CSMD1: variants seen among roughly 807,000 people sequenced by gnomAD.
CSMD1 encodes CUB and sushi domain-containing protein 1.
In CSMD1, 213 loss-of-function variants were observed where a neutral mutation model predicts 417.5. The ratio of observed to expected loss-of-function variants is 0.51; its 90% CI spans 0.46 to 0.57. The LOEUF (loss-of-function observed/expected upper bound fraction) is 0.57, where lower values mean the gene tolerates loss of function less well. CSMD1 is among the 20% of genes least tolerant of loss of function. The pLI, the probability that CSMD1 is intolerant of heterozygous loss-of-function variation, is 0.00. For missense variants in CSMD1, 6,923 were observed against 4,529.7 expected (o/e 1.53, Z -15.17); for synonymous variants, 2,862 against 1,736.8 (o/e 1.65, Z -16.11).
At chr8:3,144,733 T>C (rs904952865) in intron 40 of CSMD1, among the ~76,000 whole-genome samples, 1 of 148,170 alleles carries the variant, frequency 6.7e-6, no homozygotes, top group African/African-American at 2.5e-5. Context: ...AATATTTTTG[T>C]TTAAAAGGAA....
chr8:3,932,015 CAA>C (rs202007814), intron 5 of CSMD1, among the ~76,000 whole-genome samples: 2,251 of 149,626 alleles, frequency 0.015, 167 homozygotes, highest in African/African-American at 0.052. Flanking sequence ...AAGGAGAAAA[CAA>C]TAATTTTGTG....
chr8:4,377,801 T>C (rs1273268549), intron 3 of CSMD1, among the ~76,000 whole-genome samples: 1 of 152,226 alleles, frequency 6.6e-6, no homozygotes, highest in Non-Finnish European at 1.5e-5. Context: ...CCAAGCGTTG[T>C]ACAATTGTTT....
intron 11 of CSMD1, among the ~76,000 whole-genome samples, chr8:3,491,575 G>A (rs1423774160): frequency 1.3e-5 from 2 of 152,166 alleles, no homozygotes; most frequent in South Asian, 2.1e-4. Flanking sequence ...AGAGGGAGGT[G>A]TTCTCTTGCA....
intron 3 of CSMD1, among the ~76,000 whole-genome samples, chr8:4,051,652 G>T (rs1186890147): frequency 6.6e-6 from 1 of 152,092 alleles, no homozygotes; most frequent in Non-Finnish European, 1.5e-5. Context: ...TGATAAAATG[G>T]TGAGCAGGAT....
chr8:4,077,415 T>C (rs1161085154), intron 3 of CSMD1, among the ~76,000 whole-genome samples: 1 of 151,478 alleles, frequency 6.6e-6, no homozygotes, highest in African/African-American at 2.4e-5. Context: ...CTCTTAATAA[T>C]TTTTATATGC....
At chr8:3,993,808 C>T (rs572499975) in intron 5 of CSMD1, among the ~76,000 whole-genome samples, 3 of 152,304 alleles carry the variant, frequency 2.0e-5, no homozygotes, top group African/African-American at 4.8e-5. Context: ...GTTTGTTTCA[C>T]TTGCATTATT....
At chr8:3,091,705 C>A in intron 47 of CSMD1, 43 bp from the exon 48 acceptor site, 2 of 1,573,932 alleles carry the variant, frequency 1.3e-6, no homozygotes, top group Non-Finnish European at 1.7e-6. Flanking sequence ...GATGAGTGAG[C>A]ACCTACCAAA....
At chr8:4,911,402 G>A (rs1805661182) in intron 1 of CSMD1, among the ~76,000 whole-genome samples, 1 of 152,186 alleles carries the variant, frequency 6.6e-6, no homozygotes, top group Non-Finnish European at 1.5e-5. Flanking sequence ...GATTTGTTAG[G>A]TAATTCCCTT....
intron 3 of CSMD1, among the ~76,000 whole-genome samples, chr8:4,396,954 A>C (rs1352212270): frequency 1.3e-5 from 2 of 152,090 alleles, no homozygotes; most frequent in Non-Finnish European, 2.9e-5. Context: ...TGATGAGTGC[A>C]CCAAAGTCTC....
chr8:4,294,380 A>T (rs770239691), intron 3 of CSMD1, among the ~76,000 whole-genome samples: 2 of 152,172 alleles, frequency 1.3e-5, no homozygotes, highest in Non-Finnish European at 2.9e-5. Flanking sequence ...AGAGTGCAAG[A>T]TGTCACCGTT....
chr8:3,133,991 A>T (rs1014997057), intron 41 of CSMD1, among the ~76,000 whole-genome samples: 3 of 152,108 alleles, frequency 2.0e-5, no homozygotes, highest in Admixed American at 2.0e-4. Flanking sequence ...CAGCCTGGCC[A>T]ATGTGGTGAA....
At chr8:4,910,622 C>G (rs1175771654) in intron 1 of CSMD1, among the ~76,000 whole-genome samples, 1 of 152,146 alleles carries the variant, frequency 6.6e-6, no homozygotes, top group Non-Finnish European at 1.5e-5. Context: ...TCTGCTCCTC[C>G]AAATATTACC....
chr8:4,889,596 GA>G (rs537904009), intron 1 of CSMD1, among the ~76,000 whole-genome samples: 147 of 151,648 alleles, frequency 9.7e-4, no homozygotes, highest in Middle Eastern at 6.8e-3. Context: ...CAAAAAAATA[GA>G]AAAAAAACCA....
At chr8:3,269,272 C>T (rs769191153) in intron 26 of CSMD1, among the ~76,000 whole-genome samples, 2 of 152,200 alleles carry the variant, frequency 1.3e-5, no homozygotes, top group Non-Finnish European at 2.9e-5. Flanking sequence ...TAAAAATGTG[C>T]GGCCAGTTCT....
chr8:4,591,927 C>T (rs145225169), intron 2 of CSMD1, among the ~76,000 whole-genome samples: 9 of 152,004 alleles, frequency 5.9e-5, no homozygotes, highest in Middle Eastern at 3.4e-3. Flanking sequence ...TTCAGGAGAT[C>T]GGAGGAAAGG....
chr8:4,160,798 G>T (rs1797113064), intron 3 of CSMD1, among the ~76,000 whole-genome samples: 2 of 152,288 alleles, frequency 1.3e-5, no homozygotes, highest in South Asian at 4.1e-4. Context: ...CCGTGAAGGT[G>T]GTGTACTGTA....
chr8:3,197,626 C>A (rs6558733), intron 33 of CSMD1, among the ~76,000 whole-genome samples: 153 of 151,262 alleles, frequency 1.0e-3, no homozygotes, highest in African/African-American at 3.5e-3. Context: ...CCACCACGCC[C>A]GGCTAATTTT....
chr8:4,196,412 G>C (rs1052000516), intron 3 of CSMD1, among the ~76,000 whole-genome samples: 6 of 152,062 alleles, frequency 3.9e-5, no homozygotes, highest in African/African-American at 9.7e-5. Context: ...CAAAAATCAA[G>C]GCGTTTTCAG....
At chr8:4,729,152 G>C (rs951903139) in intron 1 of CSMD1, among the ~76,000 whole-genome samples, 1 of 152,108 alleles carries the variant, frequency 6.6e-6, no homozygotes, top group Non-Finnish European at 1.5e-5. Flanking sequence ...CACAAGGACA[G>C]GCTAATGAGA....
Sources: gnomAD v4.1 joint callset for allele counts (sites outside exome capture counted in the v4.1 genomes callset) on GRCh38, gnomAD v4.1.1 for gene constraint, MANE v1.5 for transcripts, NCBI Gene and HGNC (gene_info 2026-07-23, HGNC 2026-07-21) for gene names.